GALNT13: variants seen among roughly 807,000 people sequenced by gnomAD.
GALNT13 encodes the protein polypeptide N-acetylgalactosaminyltransferase 13.
A neutral mutation model predicts 64.2 loss-of-function variants in GALNT13; 28 were observed. That is an observed-to-expected ratio of 0.44 (90% CI 0.32 to 0.60). GALNT13 has a LOEUF of 0.60. GALNT13 is among the 20% of genes least tolerant of loss of function. The pLI, the probability that GALNT13 is intolerant of heterozygous loss-of-function variation, is 0.05. For missense variants in GALNT13, 577 were observed against 669.8 expected (o/e 0.86, Z 1.53); for synonymous variants, 214 against 224.6 (o/e 0.95, Z 0.42).
chr2:153,758,643 A>G, the GALNT13 span, among the ~76,000 whole-genome samples: 1 of 152,144 alleles, frequency 6.6e-6, no homozygotes, highest in Non-Finnish European at 1.5e-5. Context: ...CCCAGGCTGG[A>G]GTGCAATGGC....
the GALNT13 span, among the ~76,000 whole-genome samples, chr2:153,554,934 C>A: frequency 7.2e-5 from 11 of 152,060 alleles, no homozygotes; most frequent in African/African-American, 2.4e-4. Flanking sequence ...TATTAGAATG[C>A]AAACTCTGTT....
At chr2:154,380,451 C>T (rs1046715559) in intron 9 of GALNT13, among the ~76,000 whole-genome samples, 2 of 151,784 alleles carry the variant, frequency 1.3e-5, no homozygotes, top group Admixed American at 1.3e-4. Flanking sequence ...GTTAATATTT[C>T]CAAAAGTTCA....
rs116636381 is a variant in GALNT13 at position 154,140,549 on chromosome 2, C to T, written c.311+44C>T. ...TATAATCTTTTATATTCATAATCAC[C>T]ATATTTCAGAATCTCAGAACTTGAG... On this transcript the variant is annotated intron_variant, in intron 4 of 12. Coordinates refer to ENST00000392825, the MANE Select transcript of GALNT13 (RefSeq NM_052917.4). 2.0e-3 allele frequency: 2,701 copies of T among 1,359,140 alleles called. 39 individuals carry two copies. The African/African-American group carries it at 0.032, about 16-fold the overall frequency. The allele number at this position is 1,359,140 out of a possible 1,614,324, so 84.2% of individuals were successfully genotyped here. A position where few individuals can be genotyped will look rare whatever the true frequency, so the allele number is the denominator to read the frequency against.
At chr2:153,932,027 A>C (rs1690564194) in intron 2 of GALNT13, among the ~76,000 whole-genome samples, 1 of 151,814 alleles carries the variant, frequency 6.6e-6, no homozygotes. Context: ...TTACTTATTC[A>C]GTTTTGGAAC....
At chr2:154,035,687 C>T (rs899860967) in intron 3 of GALNT13, among the ~76,000 whole-genome samples, 4 of 151,892 alleles carry the variant, frequency 2.6e-5, no homozygotes, top group African/African-American at 9.7e-5. Context: ...ACATAGTAGA[C>T]CTCTGATTAA....
At chr2:153,391,109 G>C in the GALNT13 span, among the ~76,000 whole-genome samples, 1 of 151,966 alleles carries the variant, frequency 6.6e-6, no homozygotes, top group Non-Finnish European at 1.5e-5. Flanking sequence ...ATAGAGGTTA[G>C]AGAGGGTGGG....
chr2:153,471,871 A>G, the GALNT13 span, among the ~76,000 whole-genome samples: 2 of 152,204 alleles, frequency 1.3e-5, no homozygotes, highest in African/African-American at 4.8e-5. Context: ...TTTCCTATGC[A>G]TTGTTTTATT....
chr2:153,915,444 A>T (rs576758837), intron 2 of GALNT13, among the ~76,000 whole-genome samples: 1 of 152,228 alleles, frequency 6.6e-6, no homozygotes, highest in Non-Finnish European at 1.5e-5. Context: ...TCTGATCCTT[A>T]AGTATTTGTT....
At chr2:153,504,123 C>T in the GALNT13 span, among the ~76,000 whole-genome samples, 3 of 152,008 alleles carry the variant, frequency 2.0e-5, no homozygotes, top group Non-Finnish European at 4.4e-5. Flanking sequence ...AGGTATATTC[C>T]TAAGTATTTT....
At chr2:153,494,304 T>G in the GALNT13 span, among the ~76,000 whole-genome samples, 1 of 151,992 alleles carries the variant, frequency 6.6e-6, no homozygotes, top group Non-Finnish European at 1.5e-5. Flanking sequence ...GACTCAAAAA[T>G]GTATGTAGAA....
At chr2:153,192,886 C>A in the GALNT13 span, among the ~76,000 whole-genome samples, 7 of 151,870 alleles carry the variant, frequency 4.6e-5, no homozygotes, top group African/African-American at 1.7e-4. Flanking sequence ...TATGTCTTTA[C>A]AGGTAAAGTG....
At chr2:154,267,793 T>A (rs996949862) in intron 8 of GALNT13, among the ~76,000 whole-genome samples, 2 of 152,040 alleles carry the variant, frequency 1.3e-5, no homozygotes, top group Admixed American at 6.6e-5. Context: ...AACTCAGTAA[T>A]AAGAAAACAT....
the GALNT13 span, among the ~76,000 whole-genome samples, chr2:153,391,633 C>A: frequency 0.015 from 2,295 of 152,066 alleles, 70 homozygotes; most frequent in African/African-American, 0.052. Flanking sequence ...TTTATCTAAA[C>A]CCCATGATCT....
intron 11 of GALNT13, among the ~76,000 whole-genome samples, chr2:154,416,538 A>G (rs558289361): frequency 3.3e-5 from 5 of 152,226 alleles, no homozygotes; most frequent in South Asian, 2.1e-4. Flanking sequence ...ATTTCAGTCA[A>G]TCATTCATCC....
At chr2:153,233,947 AT>A in the GALNT13 span, among the ~76,000 whole-genome samples, 12 of 152,306 alleles carry the variant, frequency 7.9e-5, no homozygotes, top group Non-Finnish European at 1.6e-4. Flanking sequence ...TAATGTATAC[AT>A]TTAGTTGGGT....
chr2:154,267,143 G>A (rs1691053963), intron 8 of GALNT13, among the ~76,000 whole-genome samples: 1 of 152,136 alleles, frequency 6.6e-6, no homozygotes, highest in Non-Finnish European at 1.5e-5. Flanking sequence ...GAATGTCTAT[G>A]TGGGGGGGAA....
chr2:154,049,323 T>A (rs1257735336), intron 3 of GALNT13, among the ~76,000 whole-genome samples: 1 of 149,588 alleles, frequency 6.7e-6, no homozygotes, highest in African/African-American at 2.4e-5. Context: ...ATAAATACTG[T>A]TTTATAATTA....
chr2:153,164,259 T>C, the GALNT13 span, among the ~76,000 whole-genome samples: 1 of 152,170 alleles, frequency 6.6e-6, no homozygotes, highest in Non-Finnish European at 1.5e-5. Flanking sequence ...AGATAACCAC[T>C]ACCAATAGGG....
the GALNT13 span, among the ~76,000 whole-genome samples, chr2:153,521,210 T>A: frequency 5.4e-4 from 82 of 152,304 alleles, 1 homozygote; most frequent in East Asian, 0.013. Context: ...CTCATTCTAA[T>A]TTTTCATTAG....
Sources: allele counts gnomAD v4.1 joint callset (sites outside exome capture counted in the v4.1 genomes callset), GRCh38; gene constraint gnomAD v4.1.1; transcripts MANE v1.5; gene names NCBI Gene and HGNC (gene_info 2026-07-23, HGNC 2026-07-21).